Variants in DLGAP1 observed in about 807,000 individuals in gnomAD.
The protein encoded by DLGAP1 is DLG associated protein 1.
A neutral mutation model predicts 90.8 loss-of-function variants in DLGAP1; 11 were observed. That is an observed-to-expected ratio of 0.12 (90% CI 0.08 to 0.20). The LOEUF (loss-of-function observed/expected upper bound fraction) is 0.20. DLGAP1 is among the 10% of genes least tolerant of loss of function. DLGAP1 has a pLI of 1.00. For missense variants in DLGAP1, 1,050 were observed against 1,333.8 expected (o/e 0.79, Z 3.31); for synonymous variants, 558 against 540.7 (o/e 1.03, Z -0.44).
chr18:3,600,795 TATATAG>T (rs1318068777), intron 7 of DLGAP1, among the ~76,000 whole-genome samples: 18 of 123,778 alleles, frequency 1.5e-4, no homozygotes, highest in Non-Finnish European at 1.8e-4. Flanking sequence ...TATATATAGA[TATATAG>T]ATATATAGAT....
At chr18:4,382,048 C>A (rs574379768) in intron 1 of DLGAP1, among the ~76,000 whole-genome samples, 1 of 152,084 alleles carries the variant, frequency 6.6e-6, no homozygotes, top group Non-Finnish European at 1.5e-5. Flanking sequence ...AAGACTTGCC[C>A]CCATGATTCA....
chr18:3,725,202 A>G (rs566147871), intron 7 of DLGAP1, among the ~76,000 whole-genome samples: 1 of 152,148 alleles, frequency 6.6e-6, no homozygotes, highest in Non-Finnish European at 1.5e-5. Flanking sequence ...ATTATTAGAC[A>G]ATAATTAGAT....
At chr18:3,515,286 C>T (rs1306208376) in intron 10 of DLGAP1, among the ~76,000 whole-genome samples, 5 of 150,842 alleles carry the variant, frequency 3.3e-5, no homozygotes, top group African/African-American at 4.9e-5. Flanking sequence ...CTGGCTAACA[C>T]GGTGAAACCC....
intron 1 of DLGAP1, among the ~76,000 whole-genome samples, chr18:4,381,182 A>G (rs1356013285): frequency 6.6e-6 from 1 of 152,190 alleles, no homozygotes; most frequent in East Asian, 1.9e-4. Context: ...TGCTCCCTAA[A>G]GCCTAGAAGT....
intron 3 of DLGAP1, among the ~76,000 whole-genome samples, chr18:3,942,899 A>G (rs980473696): frequency 6.6e-6 from 1 of 151,876 alleles, no homozygotes; most frequent in Non-Finnish European, 1.5e-5. Flanking sequence ...TTTGGGTAGA[A>G]TTTTGGAGCT....
At chr18:3,725,300 T>C (rs933781921) in intron 7 of DLGAP1, among the ~76,000 whole-genome samples, 27 of 152,216 alleles carry the variant, frequency 1.8e-4, no homozygotes, top group African/African-American at 6.3e-4. Context: ...AATGTGATAA[T>C]GCCTTTTGAT....
At chr18:3,666,925 TTTC>T (rs1247060465) in intron 7 of DLGAP1, among the ~76,000 whole-genome samples, 3 of 151,946 alleles carry the variant, frequency 2.0e-5, no homozygotes, top group Non-Finnish European at 4.4e-5. Context: ...CCCTGCTAAT[TTTC>T]TTATTTTTAA....
At chr18:3,568,083 G>C (rs1478720870) in intron 8 of DLGAP1, among the ~76,000 whole-genome samples, 1 of 152,090 alleles carries the variant, frequency 6.6e-6, no homozygotes, top group African/African-American at 2.4e-5. Context: ...ATTTTTAGTG[G>C]AGACAGGTTT....
chr18:4,317,345 T>C (rs1240891970), intron 1 of DLGAP1, among the ~76,000 whole-genome samples: 1 of 152,204 alleles, frequency 6.6e-6, no homozygotes, highest in African/African-American at 2.4e-5. Context: ...TGAGCTGGAC[T>C]TGTAACATGT....
chr18:4,218,330 T>A (rs1295861710), intron 1 of DLGAP1, among the ~76,000 whole-genome samples: 1 of 152,010 alleles, frequency 6.6e-6, no homozygotes, highest in Non-Finnish European at 1.5e-5. Context: ...TTAAACCTTT[T>A]AAGTTGACAA....
At chr18:4,058,012 C>T (rs866560026) in intron 2 of DLGAP1, among the ~76,000 whole-genome samples, 1 of 152,180 alleles carries the variant, frequency 6.6e-6, no homozygotes, top group African/African-American at 2.4e-5. Context: ...ACCCTGGAGT[C>T]TGCACTAAGT....
chr18:4,392,628 G>A (rs2144441171), intron 1 of DLGAP1, among the ~76,000 whole-genome samples: 1 of 152,236 alleles, frequency 6.6e-6, no homozygotes, highest in African/African-American at 2.4e-5. Flanking sequence ...ATATAAGACA[G>A]GAAGCTTTAT....
intron 2 of DLGAP1, among the ~76,000 whole-genome samples, chr18:4,145,404 A>G (rs1003277140): frequency 6.6e-6 from 1 of 152,226 alleles, no homozygotes; most frequent in African/African-American, 2.4e-5. Flanking sequence ...GAGAGGATTT[A>G]TAGAATATTA....
chr18:3,868,403 TGTA>T (rs1231606105), intron 4 of DLGAP1, among the ~76,000 whole-genome samples: 1 of 152,126 alleles, frequency 6.6e-6, no homozygotes, highest in Non-Finnish European at 1.5e-5. Flanking sequence ...GGAAAAGTCC[TGTA>T]GAAAGGCCTC....
chr18:3,923,599 G>A (rs1309835764), intron 3 of DLGAP1, among the ~76,000 whole-genome samples: 2 of 151,726 alleles, frequency 1.3e-5, no homozygotes, highest in African/African-American at 2.4e-5. Flanking sequence ...GGTTTACATC[G>A]TGTTTATAAA....
intron 3 of DLGAP1, among the ~76,000 whole-genome samples, chr18:3,908,642 TAAG>T (rs2071965916): frequency 3.9e-5 from 6 of 152,194 alleles, no homozygotes; most frequent in Admixed American, 3.9e-4. Context: ...CTGCCACTCT[TAAG>T]AAGAGTGAAA....
chr18:4,111,160 T>C (rs548192410), intron 2 of DLGAP1, among the ~76,000 whole-genome samples: 1 of 152,204 alleles, frequency 6.6e-6, no homozygotes. Flanking sequence ...CTGTGTCTAT[T>C]AAGATGATCT....
At chr18:3,875,915 GCT>G in intron 4 of DLGAP1, among the ~76,000 whole-genome samples, 1 of 151,870 alleles carries the variant, frequency 6.6e-6, no homozygotes, top group African/African-American at 2.4e-5. Context: ...GGACTAGAAC[GCT>G]CCGGGAACTA....
intron 2 of DLGAP1, among the ~76,000 whole-genome samples, chr18:4,039,577 A>G (rs555894615): frequency 6.6e-6 from 1 of 152,244 alleles, no homozygotes; most frequent in Non-Finnish European, 1.5e-5. Context: ...TAGAAAGGGA[A>G]TATACATTGT....
Sources: allele counts gnomAD v4.1 joint callset (sites outside exome capture counted in the v4.1 genomes callset), GRCh38; gene constraint gnomAD v4.1.1; transcripts MANE v1.5; gene names NCBI Gene and HGNC (gene_info 2026-07-23, HGNC 2026-07-21).